The following DMGDH variants were observed in gnomAD, a reference collection of about 807,000 sequenced individuals.
DMGDH encodes dimethylglycine dehydrogenase, also known as dimethylglycine dehydrogenase, mitochondrial.
In DMGDH, 76 loss-of-function variants were observed where a neutral mutation model predicts 95.2. That is an observed-to-expected ratio of 0.80 (90% CI 0.66 to 0.97). The LOEUF (loss-of-function observed/expected upper bound fraction) is 0.97, where lower values mean the gene tolerates loss of function less well. Among genes scored for constraint, DMGDH ranks in the 50% least tolerant of loss-of-function variants. The pLI, the probability that DMGDH is intolerant of heterozygous loss-of-function variation, is 0.00. For synonymous variants in DMGDH, 345 were observed against 377.6 expected (o/e 0.91, Z 1.00); for missense variants, 987 against 1,055.0 (o/e 0.94, Z 0.89).
chr5:79,061,583 C>T (rs185482147), intron 2 of DMGDH, among the ~76,000 whole-genome samples: 3 of 152,220 alleles, frequency 2.0e-5, no homozygotes, highest in Admixed American at 2.0e-4. Context: ...ATTCATGGGA[C>T]ATCTAAGAAA....
At chr5:79,008,737 G>C (rs1169351314) in intron 14 of DMGDH, among the ~76,000 whole-genome samples, 1 of 152,196 alleles carries the variant, frequency 6.6e-6, no homozygotes, top group East Asian at 1.9e-4. Flanking sequence ...AGGAAAGGTG[G>C]GGGGAGAGTG....
chr5:78,998,862 T>C (rs1753403973), intron 15 of DMGDH, among the ~76,000 whole-genome samples: 3 of 151,624 alleles, frequency 2.0e-5, no homozygotes, highest in South Asian at 2.1e-4. Context: ...AAAAAGTCTA[T>C]ATAACAAGCT....
chr5:79,043,003 G>T (rs1034483815), intron 6 of DMGDH, among the ~76,000 whole-genome samples: 1 of 152,250 alleles, frequency 6.6e-6, no homozygotes, highest in East Asian at 1.9e-4. Flanking sequence ...CCTCCAGCCT[G>T]CCCCCATACA....
rs189486495 is a variant in DMGDH at position 79,056,362 on chromosome 5, G to A, written c.277-454C>T. The stretch of plus-strand genomic sequence containing the variant: ...CCCGTCTCTATTAAAAATACAAATG[G>A]TGAAACCCCGTCTCTATTAAAAATA... On this transcript the variant is annotated intron_variant, in intron 2 of 15. Coordinates refer to ENST00000255189, the MANE Select transcript of DMGDH (RefSeq NM_013391.3). 1.4e-3 allele frequency among the ~76,000 whole-genome samples: 203 copies of A among 149,664 alleles called. 1 individual carries two copies. Among genetic ancestry groups the A allele is most frequent in the African/African-American group, 4.7e-3 (190 of 40,704 alleles).
At chr5:79,009,732 CCT>C (rs1006422548) in intron 14 of DMGDH, among the ~76,000 whole-genome samples, 36 of 152,124 alleles carry the variant, frequency 2.4e-4, no homozygotes, top group Non-Finnish European at 4.0e-4. Flanking sequence ...GCACAATCCC[CCT>C]GTCTCAAACC....
At chr5:79,009,743 C>A (rs1017683255) in intron 14 of DMGDH, among the ~76,000 whole-genome samples, 1 of 152,108 alleles carries the variant, frequency 6.6e-6, no homozygotes, top group Non-Finnish European at 1.5e-5. Context: ...CTGTCTCAAA[C>A]CAACAAGGCT....
chr5:79,033,757 C>G (rs1754259821), intron 7 of DMGDH, among the ~76,000 whole-genome samples: 1 of 152,122 alleles, frequency 6.6e-6, no homozygotes, highest in Non-Finnish European at 1.5e-5. Context: ...AAAGTGAGAA[C>G]TCATCGCTAC....
At chr5:79,047,440 G>A (rs2112652881) in intron 5 of DMGDH, among the ~76,000 whole-genome samples, 1 of 152,190 alleles carries the variant, frequency 6.6e-6, no homozygotes, top group South Asian at 2.1e-4. Flanking sequence ...CTTCAGGTGA[G>A]CACAACCCAA....
At chr5:79,025,876 GTTA>G (rs1375262331) in intron 13 of DMGDH, among the ~76,000 whole-genome samples, 1 of 152,214 alleles carries the variant, frequency 6.6e-6, no homozygotes, top group Non-Finnish European at 1.5e-5. Flanking sequence ...AAGTCTCAGT[GTTA>G]TTATGCGTAA....
At chr5:79,005,531 A>C (rs1753531868) in intron 14 of DMGDH, 124 bp from the exon 15 acceptor site, 10 of 1,303,022 alleles carry the variant, frequency 7.7e-6, no homozygotes, top group Non-Finnish European at 8.6e-6. Flanking sequence ...AAAAATACAG[A>C]TCGGATCATA....
intron 15 of DMGDH, among the ~76,000 whole-genome samples, chr5:78,999,239 C>G (rs1349411377): frequency 6.6e-6 from 1 of 152,210 alleles, no homozygotes; most frequent in African/African-American, 2.4e-5. Context: ...ACATTCATGA[C>G]TTTAATTGCA....
In DMGDH at chr5:79,054,183, C is replaced by G. The variant is rs1272019208; in HGVS notation, c.540+1G>C. ...GGTAAAAATGCCCTTAAGATAAATA[C>G]CTTATTCATGTTGAGTAAAGGGAAC... On this transcript the variant is annotated splice_donor_variant, in intron 4 of 15. Coordinates refer to ENST00000255189, the MANE Select transcript of DMGDH (RefSeq NM_013391.3). LOFTEE classifies it high-confidence loss of function. 1 of 1,613,500 alleles carries G rather than the reference C, an allele frequency of 6.2e-7. No homozygotes were observed. The highest frequency in any genetic ancestry group is 8.5e-7 in the Non-Finnish European group (1 of 1,179,886).
intron 14 of DMGDH, among the ~76,000 whole-genome samples, chr5:79,006,743 A>C (rs1023519580): frequency 1.3e-5 from 2 of 152,120 alleles, no homozygotes; most frequent in Non-Finnish European, 2.9e-5. Flanking sequence ...TTTAGGACTT[A>C]CACAGTTCTT....
Position 79,026,780 on chromosome 5 carries a change from C to T in DMGDH, c.2033-199G>A, listed in dbSNP as rs3797536. 8.3e-3 allele frequency among the ~76,000 whole-genome samples: 1,267 copies of T among 152,240 alleles called. 3 individuals carry two copies. The highest frequency in any genetic ancestry group is 0.014 in the Non-Finnish European group (953 of 68,020). On this transcript the variant is annotated intron_variant, in intron 12 of 15. Transcript: ENST00000255189. ...CACCATATCACAGATGCATTTGTGCCGATCCTGACTCCCATGTAGATGGTG... is the reference window on the plus strand; with the variant it reads ...CACCATATCACAGATGCATTTGTGCTGATCCTGACTCCCATGTAGATGGTG...
At chr5:79,063,321 T>C (rs139206828) in intron 2 of DMGDH, among the ~76,000 whole-genome samples, 1 of 152,174 alleles carries the variant, frequency 6.6e-6, no homozygotes, top group East Asian at 1.9e-4. Flanking sequence ...ACTATTAATA[T>C]TCCTATTAAG....
chr5:79,049,290 C>A (rs569663175), intron 5 of DMGDH, among the ~76,000 whole-genome samples: 2 of 152,236 alleles, frequency 1.3e-5, no homozygotes, highest in South Asian at 2.1e-4. Context: ...AAATGTATTA[C>A]AATGACAATT....
chr5:79,052,810 A>G (rs1401770073), intron 4 of DMGDH, among the ~76,000 whole-genome samples: 1 of 152,186 alleles, frequency 6.6e-6, no homozygotes, highest in Admixed American at 6.5e-5. Flanking sequence ...CTGCCATCAC[A>G]CTGGTATCAC....
chr5:79,043,304 T>C (rs1754565696), intron 6 of DMGDH, among the ~76,000 whole-genome samples: 1 of 152,114 alleles, frequency 6.6e-6, no homozygotes, highest in Admixed American at 6.5e-5. Flanking sequence ...TTGTTCAAGA[T>C]TTATTTGAAG....
intron 15 of DMGDH, among the ~76,000 whole-genome samples, chr5:79,003,224 G>A (rs1437786552): frequency 6.6e-6 from 1 of 152,100 alleles, no homozygotes; most frequent in Non-Finnish European, 1.5e-5. Flanking sequence ...TAAAACAAAG[G>A]GAAGATGAGG....
Sources: gnomAD v4.1 joint callset for allele counts (sites outside exome capture counted in the v4.1 genomes callset) on GRCh38, gnomAD v4.1.1 for gene constraint, MANE v1.5 for transcripts, NCBI Gene and HGNC (gene_info 2026-07-23, HGNC 2026-07-21) for gene names.